The following DLG2 variants were observed in gnomAD, a reference collection of about 807,000 sequenced individuals.
The protein encoded by DLG2 is disks large homolog 2.
DLG2 carries 45 observed loss-of-function variants against 132.5 expected under a neutral mutation model. The observed-to-expected ratio is 0.34, with a 90% CI of 0.27 to 0.44. The LOEUF is 0.44. DLG2 is among the 20% of genes least tolerant of loss of function. The pLI is 1.00. For synonymous variants in DLG2, 424 were observed against 419.6 expected, an observed-to-expected ratio of 1.01 and a Z score of -0.13; for missense variants, 1,045 against 1,196.9, an observed-to-expected ratio of 0.87 and a Z score of 1.87.
chr11:83,836,493 C>T (rs945703536), intron 16 of DLG2, among the ~76,000 whole-genome samples: 3 of 152,182 alleles, frequency 2.0e-5, no homozygotes, highest in Non-Finnish European at 4.4e-5. Context: ...ATCCTCTTCA[C>T]ATTTGGAAGC....
At chr11:83,934,566 C>T (rs1306624009) in intron 14 of DLG2, among the ~76,000 whole-genome samples, 1 of 152,034 alleles carries the variant, frequency 6.6e-6, no homozygotes, top group African/African-American at 2.4e-5. Flanking sequence ...AAATAGTCTT[C>T]ATCTGTGTAG....
At chr11:84,762,976 T>C (rs2067853346) in intron 6 of DLG2, among the ~76,000 whole-genome samples, 1 of 152,154 alleles carries the variant, frequency 6.6e-6, no homozygotes, top group Non-Finnish European at 1.5e-5. Context: ...AAAAAAAATA[T>C]TTTATAACAA....
intron 19 of DLG2, among the ~76,000 whole-genome samples, chr11:83,585,359 C>T (rs1013890978): frequency 6.6e-6 from 1 of 152,166 alleles, no homozygotes; most frequent in African/African-American, 2.4e-5. Flanking sequence ...AACCCACAAC[C>T]CTCTCTGCTA....
intron 3 of DLG2, among the ~76,000 whole-genome samples, chr11:85,561,143 G>A (rs1006534724): frequency 6.7e-6 from 1 of 150,296 alleles, no homozygotes; most frequent in Non-Finnish European, 1.5e-5. Flanking sequence ...ATCATTTAAG[G>A]GCAAGAGTTT....
intron 6 of DLG2, among the ~76,000 whole-genome samples, chr11:84,969,974 G>T (rs1013874951): frequency 6.6e-6 from 1 of 152,130 alleles, no homozygotes; most frequent in Middle Eastern, 3.4e-3. Context: ...CGATGAGAAC[G>T]CATGGACAGA....
intron 10 of DLG2, among the ~76,000 whole-genome samples, chr11:84,080,565 T>C (rs534370947): frequency 6.6e-6 from 1 of 152,246 alleles, no homozygotes; most frequent in Admixed American, 6.5e-5. Context: ...ATTATTATGA[T>C]GATGTATATT....
At chr11:85,563,337 C>A (rs2077355340) in intron 3 of DLG2, among the ~76,000 whole-genome samples, 1 of 151,506 alleles carries the variant, frequency 6.6e-6, no homozygotes, top group African/African-American at 2.4e-5. Flanking sequence ...TCCATAACTC[C>A]AAGAGTTGCA....
At chr11:85,455,476 T>TA (rs1443684167) in intron 3 of DLG2, among the ~76,000 whole-genome samples, 2 of 152,144 alleles carry the variant, frequency 1.3e-5, no homozygotes, top group African/African-American at 4.8e-5. Context: ...CAAGCAGGGA[T>TA]AGTTTGACTT....
At chr11:83,575,503 T>A (rs1206298518) in intron 19 of DLG2, among the ~76,000 whole-genome samples, 1 of 152,122 alleles carries the variant, frequency 6.6e-6, no homozygotes, top group Non-Finnish European at 1.5e-5. Context: ...CACTCTTGAG[T>A]ATTTAGCAGA....
chr11:84,509,786 A>G (rs1351275947), intron 7 of DLG2, among the ~76,000 whole-genome samples: 1 of 152,170 alleles, frequency 6.6e-6, no homozygotes, highest in Admixed American at 6.5e-5. Context: ...TGCAGAATAC[A>G]AAATACAAAC....
intron 26 of DLG2, among the ~76,000 whole-genome samples, chr11:83,464,412 T>A (rs2090626673): frequency 6.6e-6 from 1 of 152,226 alleles, no homozygotes; most frequent in Admixed American, 6.5e-5. Flanking sequence ...CTCTGGGGAA[T>A]GGGCAATTCA....
intron 21 of DLG2, among the ~76,000 whole-genome samples, chr11:83,492,841 T>C (rs893882414): frequency 2.0e-5 from 3 of 152,078 alleles, no homozygotes; most frequent in African/African-American, 4.8e-5. Context: ...TGGAGCATGA[T>C]ATTGACCTCA....
chr11:83,794,161 G>T (rs540534489), intron 17 of DLG2, among the ~76,000 whole-genome samples: 25 of 152,252 alleles, frequency 1.6e-4, no homozygotes, highest in Non-Finnish European at 8.8e-5. Context: ...ATCTACATGG[G>T]CCTCTGCATT....
intron 3 of DLG2, among the ~76,000 whole-genome samples, chr11:85,414,152 T>C (rs2089600962): frequency 6.6e-6 from 1 of 152,088 alleles, no homozygotes; most frequent in Non-Finnish European, 1.5e-5. Context: ...TTCACTTTTC[T>C]TCCAGCTATT....
intron 20 of DLG2, among the ~76,000 whole-genome samples, chr11:83,534,611 C>T (rs570023063): frequency 1.4e-3 from 210 of 152,218 alleles, no homozygotes; most frequent in Middle Eastern, 3.4e-3. Flanking sequence ...AACAGCTGAA[C>T]AAAATTTTTC....
intron 11 of DLG2, among the ~76,000 whole-genome samples, chr11:84,010,543 C>A (rs1418781453): frequency 6.6e-6 from 1 of 151,958 alleles, no homozygotes; most frequent in African/African-American, 2.4e-5. Context: ...CTCAAGTAAT[C>A]CTCCTGCCTC....
chr11:84,714,571 T>C lies in DLG2; in HGVS notation c.358-179840A>G, dbSNP rs377432999. Reference sequence around the variant, plus strand: ...TCTTTCTCTCTCTTTCTCTTTCTCTTTCTCTTTCTCTTTCTCTTTCTCTTT... The same window carrying C: ...TCTTTCTCTCTCTTTCTCTTTCTCTCTCTCTTTCTCTTTCTCTTTCTCTTT... On this transcript the variant is annotated intron_variant, in intron 6 of 27. Coordinates refer to ENST00000376104, the MANE Select transcript of DLG2 (RefSeq NM_001142699.3). Among the ~76,000 whole-genome samples the C allele has an allele frequency of 5.3e-3, 614 of 115,308 alleles. 12 individuals carry two copies. The highest frequency in any genetic ancestry group is 0.015 in the African/African-American group (291 of 19,564). 75.6% of individuals were successfully genotyped at this position (115,308 alleles called of 152,430 possible). A position where few individuals can be genotyped will look rare whatever the true frequency, so the allele number is the denominator to read the frequency against.
intron 11 of DLG2, among the ~76,000 whole-genome samples, chr11:84,012,572 T>C (rs995748806): frequency 2.0e-5 from 3 of 152,106 alleles, no homozygotes; most frequent in South Asian, 2.1e-4. Flanking sequence ...AGGGAGACTA[T>C]GAGATTGTGG....
At position 84,666,029 on chromosome 11, in the gene DLG2, C is replaced by T. The variant is rs534967306; in HGVS notation, c.358-131298G>A. Among the ~76,000 whole-genome samples, 5 of 152,286 alleles carry T rather than the reference C, an allele frequency of 3.3e-5. No individual in the cohort carries two copies. In the South Asian group the frequency reaches 1.0e-3, roughly 32 times the overall value. On this transcript the variant is annotated intron_variant, in intron 6 of 27. Coordinates refer to ENST00000376104, the MANE Select transcript of DLG2 (RefSeq NM_001142699.3). ...TTTCTCTAGCATGTGTTGCCCTCCC[C>T]TCCCCTATAGGCATCACTAGGAATT...
Sources: gnomAD v4.1 joint callset for allele counts (sites outside exome capture counted in the v4.1 genomes callset) on GRCh38, gnomAD v4.1.1 for gene constraint, MANE v1.5 for transcripts, NCBI Gene and HGNC (gene_info 2026-07-23, HGNC 2026-07-21) for gene names.